The following MRPS30 variants were observed in gnomAD, a reference collection of about 807,000 sequenced individuals.
The protein encoded by MRPS30 is mitochondrial ribosomal protein S30.
Under a neutral mutation model 43.8 loss-of-function variants are expected in MRPS30, and 42 were observed. That is an observed-to-expected ratio of 0.96 (90% CI 0.75 to 1.24). The LOEUF (loss-of-function observed/expected upper bound fraction) is 1.24, where lower values mean the gene tolerates loss of function less well. Ranked by LOEUF, MRPS30 falls within the 50% of genes most tolerant of loss-of-function variation. The pLI is 0.00. For missense variants in MRPS30, 638 were observed against 570.0 expected (o/e 1.12, Z -1.22); for synonymous variants, 273 against 228.2 (o/e 1.20, Z -1.77).
rs747279183 is a variant in MRPS30, at chr5:44,809,146, C to T, written c.184C>T (p.Arg62Trp). The T allele has an allele frequency of 1.3e-5, 21 of 1,611,636 alleles. No homozygotes were observed. Among genetic ancestry groups the T allele is most frequent in the Non-Finnish European group, 1.5e-5 (18 of 1,179,436 alleles). The change falls in exon 1 of 5, where the codon CGG becomes TGG. Residue 62 changes from arginine (R) to tryptophan (W), a missense_variant. Coordinates refer to ENST00000507110, the MANE Select transcript of MRPS30 (RefSeq NM_016640.4). ...CGACAGCAAAGCTGCACGGCTGCGG[C>T]GGATCGAGCGCTGGCAGGCGACGGT... is the stretch of plus-strand genomic sequence containing the variant. ...TADSKAARLR[R>W]IERWQATVHA... is the part of the protein sequence containing the mutation.
chr5:44,814,998 C>G lies in MRPS30; in HGVS notation c.1116C>G (p.Tyr372Ter). 2 of 1,613,556 alleles carry G rather than the reference C, an allele frequency of 1.2e-6. No homozygotes were observed. The highest frequency in any genetic ancestry group is 1.7e-6 in the Non-Finnish European group (2 of 1,179,576). ...TDGKYFSFFC[Y>*]QLNTLALTTQ... ...GAAAATACTTTTCCTTTTTCTGCTA[C>G]CAGCTAAATACTTTGGCACTGACTA... The change falls in exon 5 of 5, where the codon TAC (tyrosine) becomes TAG (stop). Residue 372 changes from tyrosine (Y) to a stop codon, truncating the protein, a stop_gained. Coordinates refer to ENST00000507110, the MANE Select transcript of MRPS30 (RefSeq NM_016640.4). LOFTEE classifies it high-confidence loss of function.
intron 1 of MRPS30, 60 bp from the exon 2 acceptor site, chr5:44,810,949 A>C: frequency 1.3e-6 from 2 of 1,495,214 alleles, no homozygotes; most frequent in Non-Finnish European, 1.8e-6. Context: ...TAGTGTTCTA[A>C]TAGTAACCAA....
At chr5:44,813,994 G>T (rs1369883464) in intron 4 of MRPS30, among the ~76,000 whole-genome samples, 1 of 152,128 alleles carries the variant, frequency 6.6e-6, no homozygotes, top group Non-Finnish European at 1.5e-5. Flanking sequence ...GAATGGCGAG[G>T]AGCTGCCTAT....
chr5:44,809,020 A>T lies in MRPS30; in HGVS notation c.58A>T (p.Thr20Ser). The T allele has an allele frequency of 6.2e-7, 1 of 1,609,558 alleles. No homozygotes were observed. Among genetic ancestry groups the T allele is most frequent in the Non-Finnish European group, 8.5e-7 (1 of 1,178,660 alleles). Reference protein sequence around the residue: ...LLRGPRLSLHTAANAAATATE... With the variant: ...LLRGPRLSLHSAANAAATATE... ...ACGCGGTCCGAGGCTTTCATTGCAC[A>T]CCGCGGCTAATGCCGCCGCCACGGC... Residue 20 changes from threonine (T) to serine (S), a missense_variant, in exon 1 of 5, where the codon ACC (threonine) becomes TCC (serine). Physicochemically the swap from Thr to Ser is moderately conservative, Grantham distance 58. Coordinates refer to ENST00000507110, the MANE Select transcript of MRPS30 (RefSeq NM_016640.4).
At position 44,809,329 on chromosome 5, in the gene MRPS30, G is replaced by C. The variant is rs552707488; in HGVS notation, c.367G>C (p.Ala123Pro). 6.2e-7 allele frequency: 1 copy of C among 1,607,808 alleles called. No homozygotes were observed. Among genetic ancestry groups the C allele is most frequent in the African/African-American group, 1.3e-5 (1 of 74,962 alleles). The change falls in exon 1 of 5, where the codon GCG becomes CCG. Residue 123 changes from alanine (A) to proline (P), a missense_variant. Ala to Pro is a conservative substitution (Grantham distance 27). Transcript: ENST00000507110. The part of the protein sequence containing the change: ...VFLSGLPPPP[A>P]EPEPEPEPEP... ...CCTGTCGGGTCTGCCGCCGCCCCCAGCGGAGCCCGAGCCCGAGCCCGAACC... is the reference window on the plus strand; with the variant it reads ...CCTGTCGGGTCTGCCGCCGCCCCCACCGGAGCCCGAGCCCGAGCCCGAACC...
chr5:44,809,658 C>T, intron 1 of MRPS30, 95 bp downstream of exon 1: 1 of 1,319,122 alleles, frequency 7.6e-7, no homozygotes, highest in Non-Finnish European at 1.0e-6. Flanking sequence ...TTCTTTCTCT[C>T]TGCTTCGTTC....
In MRPS30 at chr5:44,809,327, C is replaced by A. The variant is rs1269640143; in HGVS notation, c.365C>A (p.Pro122Gln). 6.2e-6 allele frequency: 10 copies of A among 1,610,000 alleles called. No individual in the cohort carries two copies. In the East Asian group the frequency reaches 2.2e-4, roughly 36 times the overall value. The stretch of plus-strand genomic sequence containing the variant: ...TTCCTGTCGGGTCTGCCGCCGCCCC[C>A]AGCGGAGCCCGAGCCCGAGCCCGAA... ...TVFLSGLPPP[P>Q]AEPEPEPEPE... The change falls in exon 1 of 5, where the codon CCA becomes CAA. Residue 122 changes from proline to glutamine, a missense_variant. Coordinates refer to ENST00000507110, the MANE Select transcript of MRPS30 (RefSeq NM_016640.4).
chr5:44,812,992 A>T (rs1742866974), intron 3 of MRPS30, 114 bp from the exon 4 acceptor site: 3 of 832,716 alleles, frequency 3.6e-6, no homozygotes, highest in Non-Finnish European at 5.6e-6. Flanking sequence ...ATGTATTTAG[A>T]GTACTGAGAA....
chr5:44,809,176 G>GCTGCGGAGT lies in MRPS30; in HGVS notation c.216_224dup (p.Ala73_Ser75dup), dbSNP rs1240376278. The stretch of plus-strand genomic sequence containing the variant: ...CGAGCGCTGGCAGGCGACGGTGCAC[G>GCTGCGGAGT]CTGCGGAGTCGGTAGACGAGAAGCT... On this transcript the variant is annotated inframe_insertion, in exon 1 of 5. Transcript: ENST00000507110. 6.2e-7 allele frequency: 1 copy of GCTGCGGAGT among 1,612,294 alleles called. No individual in the cohort carries two copies. The highest frequency in any genetic ancestry group is 8.5e-7 in the Non-Finnish European group (1 of 1,179,638).
chr5:44,812,092 T>C, intron 3 of MRPS30, 72 bp downstream of exon 3: 1 of 1,019,706 alleles, frequency 9.8e-7, no homozygotes, highest in South Asian at 1.6e-5. Flanking sequence ...GAGTATTGAC[T>C]ACAATGAGGA....
At position 44,815,081 on chromosome 5, in the gene MRPS30, C is replaced by T; in HGVS notation, c.1199C>T (p.Pro400Leu). ...ATATGTTGGGGTACACAAAGTAAGC[C>T]TCTTTATGAAACAATTGAGGATAAT... is the stretch of plus-strand genomic sequence containing the variant. ...KNICWGTQSK[P>L]LYETIEDNDV... Residue 400 changes from proline (P) to leucine (L), a missense_variant, in exon 5 of 5, where the codon CCT (proline) becomes CTT (leucine). Transcript: ENST00000507110. 1 of 1,613,150 alleles carries T rather than the reference C, an allele frequency of 6.2e-7. No individual in the cohort carries two copies.
chr5:44,810,997 T>C lies in MRPS30; in HGVS notation c.602-12T>C. 6.2e-7 allele frequency: 1 copy of C among 1,610,036 alleles called. No homozygotes were observed. Among genetic ancestry groups the C allele is most frequent in the Non-Finnish European group, 8.5e-7 (1 of 1,177,740 alleles). ...GATCAGATGAAAAAAATTTTGAATA[T>C]CTTTTTGATAGATTATAGATGCCCA... On this transcript the variant is annotated splice_polypyrimidine_tract_variant and intron_variant, in intron 1 of 4. Transcript: ENST00000507110.
Position 44,808,990 on chromosome 5 carries a change from T to G in MRPS30, c.28T>G (p.Leu10Val). Residue 10 changes from leucine to valine, a missense_variant, in exon 1 of 5, where the codon TTG becomes GTG. By Grantham distance (32) the Leu-to-Val change is conservative (BLOSUM62 1). Transcript: ENST00000507110. Reference protein sequence around the residue: MAAARCWRPLLRGPRLSLHT... With the variant: MAAARCWRPVLRGPRLSLHT... Reference sequence around the variant, plus strand: ...GGCGGCGGCCAGGTGTTGGAGGCCTTTGCTACGCGGTCCGAGGCTTTCATT... The same window carrying G: ...GGCGGCGGCCAGGTGTTGGAGGCCTGTGCTACGCGGTCCGAGGCTTTCATT... 6.2e-7 allele frequency: 1 copy of G among 1,607,666 alleles called. No individual in the cohort carries two copies. Among genetic ancestry groups the G allele is most frequent in the Non-Finnish European group, 8.5e-7 (1 of 1,177,554 alleles).
rs768661713 is a variant in MRPS30, at chr5:44,809,350, G to A, written c.388G>A (p.Glu130Lys). ...PPPAEPEPEP[E>K]PEPEPALDLA... is the part of the protein sequence containing the mutation. The stretch of plus-strand genomic sequence containing the variant: ...CCCAGCGGAGCCCGAGCCCGAGCCC[G>A]AACCCGAACCTGAACCTGCGCTGGA... Residue 130 changes from glutamate to lysine, a missense_variant, in exon 1 of 5, where the codon GAA becomes AAA. By Grantham distance (56) the Glu-to-Lys change is moderately conservative. Coordinates refer to ENST00000507110, the MANE Select transcript of MRPS30 (RefSeq NM_016640.4). 4 of 1,608,262 alleles carry A rather than the reference G, an allele frequency of 2.5e-6. No individual in the cohort carries two copies. In the East Asian group the frequency reaches 6.7e-5, roughly 27 times the overall value.
At chr5:44,812,193 G>C (rs1261507410) in intron 3 of MRPS30, among the ~76,000 whole-genome samples, 173 bp downstream of exon 3, 1 of 152,108 alleles carries the variant, frequency 6.6e-6, no homozygotes, top group Non-Finnish European at 1.5e-5. Flanking sequence ...ACACTGGAAA[G>C]AAAATATTAA....
At chr5:44,811,856 T>C in intron 2 of MRPS30, 59 bp from the exon 3 acceptor site, 1 of 982,548 alleles carries the variant, frequency 1.0e-6, no homozygotes. Flanking sequence ...CTAATGAGTG[T>C]GAGTAAAATA....
Position 44,815,035 on chromosome 5 carries a change from CAAAAT to C in MRPS30, c.1156_1160del (p.Asn386ProfsTer3). The C allele has an allele frequency of 6.2e-7, 1 of 1,613,792 alleles. No homozygotes were observed. Among genetic ancestry groups the C allele is most frequent in the Non-Finnish European group, 8.5e-7 (1 of 1,179,790 alleles). ...TTTGGCACTGACTACACAAGCTGATCAAAATAACCCTCGTAAAAATATATGTTGGG... is the reference window on the plus strand; with the variant it reads ...TTTGGCACTGACTACACAAGCTGATCAACCCTCGTAAAAATATATGTTGGG... On this transcript the variant is annotated frameshift_variant, in exon 5 of 5. Transcript: ENST00000507110. LOFTEE classifies it high-confidence loss of function.
Position 44,814,951 on chromosome 5 carries a change from T to C in MRPS30, c.1069T>C (p.Ser357Pro), listed in dbSNP as rs1742894878. The part of the protein sequence containing the change: ...SEADVTRPFV[S>P]QAVITDGKYF... The stretch of plus-strand genomic sequence containing the variant: ...AGCAGATGTTACTCGACCTTTTGTC[T>C]CCCAGGCTGTGATCACAGATGGAAA... The change falls in exon 5 of 5, where the codon TCC (serine) becomes CCC (proline). Residue 357 changes from serine to proline, a missense_variant. Ser to Pro is a moderately conservative substitution (Grantham distance 74). Transcript: ENST00000507110. 1 of 1,612,980 alleles carries C rather than the reference T, an allele frequency of 6.2e-7. No individual in the cohort carries two copies. Among genetic ancestry groups the C allele is most frequent in the African/African-American group, 1.3e-5 (1 of 74,896 alleles).
At chr5:44,814,311 A>G (rs999565046) in intron 4 of MRPS30, among the ~76,000 whole-genome samples, 2 of 152,188 alleles carry the variant, frequency 1.3e-5, no homozygotes, top group Non-Finnish European at 2.9e-5. Context: ...TTTTTTTAAC[A>G]TATATATGTA....
Sources: gnomAD v4.1 joint callset for allele counts (sites outside exome capture counted in the v4.1 genomes callset) on GRCh38, gnomAD v4.1.1 for gene constraint, MANE v1.5 for transcripts, NCBI Gene and HGNC (gene_info 2026-07-23, HGNC 2026-07-21) for gene names.